Variants in TRAK2 observed in about 807,000 individuals in gnomAD.
TRAK2 encodes trafficking kinesin-binding protein 2.
A neutral mutation model predicts 104.6 loss-of-function variants in TRAK2; 81 were observed. That is an observed-to-expected ratio of 0.77 (90% CI 0.65 to 0.93). The LOEUF (loss-of-function observed/expected upper bound fraction) is 0.93. Ranked by LOEUF, TRAK2 falls within the 40% of genes least tolerant of loss-of-function variation. The pLI is 0.00. For missense variants in TRAK2, 1,002 were observed against 1,089.0 expected, an observed-to-expected ratio of 0.92 and a Z score of 1.12; for synonymous variants, 406 against 394.4, an observed-to-expected ratio of 1.03 and a Z score of -0.35.
At chr2:201,410,971 C>T (rs73988779) in intron 2 of TRAK2, 21 of 1,537,196 alleles carry the variant, frequency 1.4e-5, no homozygotes, top group African/African-American at 2.7e-5. Context: ...TTTGTAGTAA[C>T]GGGCATGTTG....
chr2:201,450,413 TAA>T (rs1157207335), intron 1 of TRAK2, among the ~76,000 whole-genome samples: 2 of 144,632 alleles, frequency 1.4e-5, no homozygotes, highest in Admixed American at 6.9e-5. Context: ...GACTCTGTCT[TAA>T]AAAAAAAAAA....
intron 1 of TRAK2, among the ~76,000 whole-genome samples, chr2:201,424,432 A>C (rs938299398): frequency 6.6e-6 from 1 of 152,180 alleles, no homozygotes; most frequent in African/African-American, 2.4e-5. Flanking sequence ...TAAATGTGCT[A>C]GTGTATAACC....
chr2:201,439,130 G>A (rs1416447166), intron 1 of TRAK2, among the ~76,000 whole-genome samples: 1 of 152,160 alleles, frequency 6.6e-6, no homozygotes, highest in Non-Finnish European at 1.5e-5. Flanking sequence ...TCAGGCTGTA[G>A]TCAAATTACA....
Position 201,450,234 on chromosome 2 carries a change from G to T in TRAK2, c.-200+1116C>A, listed in dbSNP as rs74845230. 3.8e-4 allele frequency among the ~76,000 whole-genome samples: 58 copies of T among 152,098 alleles called. No individual in the cohort carries two copies. In the East Asian group the frequency reaches 7.4e-3, roughly 19 times the overall value. ...GATCGAGACCATCCTGGCCAACATGGTGAAACCCCATCTCTACTAAAAACA... is the reference window on the plus strand; with the variant it reads ...GATCGAGACCATCCTGGCCAACATGTTGAAACCCCATCTCTACTAAAAACA... On this transcript the variant is annotated intron_variant, in intron 1 of 15. Transcript: ENST00000332624.
chr2:201,380,605 C>T lies in TRAK2; in HGVS notation c.2683G>A (p.Gly895Ser). Residue 895 changes from glycine (G) to serine (S), a missense_variant, in exon 16 of 16, where the codon GGT becomes AGT. Transcript: ENST00000332624. ...RRNQSLPVIM[G>S]SFAAPVCTSS... ...GTGCAAACTGGGGCAGCAAAGCTAC[C>T]CATTATGACTGGAAGACTCTGATTC... The T allele has an allele frequency of 6.2e-7, 1 of 1,613,956 alleles. No homozygotes were observed. The highest frequency in any genetic ancestry group is 8.5e-7 in the Non-Finnish European group (1 of 1,179,964).
chr2:201,413,041 T>C lies in TRAK2; in HGVS notation c.92-5444A>G, dbSNP rs1433637970. 32 of 788,312 alleles carry C rather than the reference T, an allele frequency of 4.1e-5. No homozygotes were observed. In the South Asian group the frequency reaches 4.2e-4, roughly 10 times the overall value. 48.8% of individuals were successfully genotyped at this position (788,312 alleles called of 1,614,324 possible). A position where few individuals can be genotyped will look rare whatever the true frequency, so the allele number is the denominator to read the frequency against. ...GAGGGTGTTGAAGTCGAGTTAAGTG[T>C]TGGACTCCTCATTTTAGAGAATCAA... is the stretch of plus-strand genomic sequence containing the variant. On this transcript the variant is annotated intron_variant, in intron 2 of 15. Transcript: ENST00000332624.
intron 2 of TRAK2, chr2:201,412,610 G>A (rs1951657860): frequency 6.5e-7 from 1 of 1,540,510 alleles, no homozygotes; most frequent in Non-Finnish European, 8.9e-7. Context: ...ATGTATTCAG[G>A]AGGCAAATAT....
In TRAK2 at chr2:201,394,838, A is replaced by C; in HGVS notation, c.935T>G (p.Leu312Arg). 6.2e-7 allele frequency: 1 copy of C among 1,614,028 alleles called. No individual in the cohort carries two copies. Among genetic ancestry groups the C allele is most frequent in the Non-Finnish European group, 8.5e-7 (1 of 1,179,934 alleles). ...VIEKEELKLH[L>R]QASKDAQRQL... ...CCGTTGGGCATCTTTGGAAGCTTGCAGGTGAAGTTTTAGTTCTTCCTTCTC... is the reference window on the plus strand; with the variant it reads ...CCGTTGGGCATCTTTGGAAGCTTGCCGGTGAAGTTTTAGTTCTTCCTTCTC... Residue 312 changes from leucine (L) to arginine (R), a missense_variant, in exon 9 of 16, where the codon CTG becomes CGG. By Grantham distance (102) the Leu-to-Arg change is moderately radical. Transcript: ENST00000332624.
rs1951606265 is a variant in TRAK2 at position 201,407,568 on chromosome 2, C to A, written c.121G>T (p.Val41Phe). 1 of 1,613,690 alleles carries A rather than the reference C, an allele frequency of 6.2e-7. No homozygotes were observed. The highest frequency in any genetic ancestry group is 1.3e-5 in the African/African-American group (1 of 75,022). The change falls in exon 3 of 16, where the codon GTT becomes TTT. Residue 41 changes from valine (V) to phenylalanine (F), a missense_variant. By Grantham distance (50) the Val-to-Phe change is conservative (BLOSUM62 -1). Coordinates refer to ENST00000332624, the MANE Select transcript of TRAK2 (RefSeq NM_015049.3). ...TCTTCTAGCAGACTCACCAGCTCAA[C>A]TTCAGGGAGATCCTCATTGGAGCAG... The part of the protein sequence containing the change: ...DVCSNEDLPE[V>F]ELVSLLEEQL...
chr2:201,384,498 C>A (rs998358724), intron 14 of TRAK2, among the ~76,000 whole-genome samples: 3 of 151,766 alleles, frequency 2.0e-5, no homozygotes, highest in African/African-American at 7.3e-5. Flanking sequence ...GATCTAGTAT[C>A]CAAATGATTC....
chr2:201,396,515 T>G (rs1279211860), intron 7 of TRAK2, among the ~76,000 whole-genome samples: 3 of 152,208 alleles, frequency 2.0e-5, no homozygotes, highest in Non-Finnish European at 4.4e-5. Context: ...AACTCTATAC[T>G]GTATATATTA....
intron 7 of TRAK2, 47 bp downstream of exon 7, chr2:201,397,455 C>T (rs1951512108): frequency 7.1e-7 from 1 of 1,402,892 alleles, no homozygotes; most frequent in African/African-American, 1.4e-5. Flanking sequence ...GATACCCTAC[C>T]AAAGAATTGT....
intron 1 of TRAK2, among the ~76,000 whole-genome samples, chr2:201,439,162 A>G (rs1951900480): frequency 6.6e-6 from 1 of 152,214 alleles, no homozygotes. Flanking sequence ...TATAGTAGGG[A>G]GGAAAATGAA....
chr2:201,397,453 A>T, intron 7 of TRAK2, 49 bp downstream of exon 7: 1 of 1,366,194 alleles, frequency 7.3e-7, no homozygotes, highest in Non-Finnish European at 1.0e-6. Context: ...GAGATACCCT[A>T]CCAAAGAATT....
rs1271077393 is a variant in TRAK2 at position 201,379,110 on chromosome 2, T to C, written c.*1433A>G. On this transcript the variant is annotated 3_prime_UTR_variant, in exon 16 of 16. Transcript: ENST00000332624. ...CCCCTCTCTCATCTTTTCTCTATCA[T>C]GTCTTTTGTATAAAGACATTTCTTT... 2 of 152,354 alleles carry C rather than the reference T, an allele frequency of 1.3e-5. No homozygotes were observed. The highest frequency in any genetic ancestry group is 1.9e-4 in the East Asian group (1 of 5,192). The allele number at this position is 152,354 out of a possible 1,614,324, so 9.4% of individuals were successfully genotyped here. A position where few individuals can be genotyped will look rare whatever the true frequency, so the allele number is the denominator to read the frequency against.
intron 11 of TRAK2, 78 bp from the exon 12 acceptor site, chr2:201,389,581 A>G: frequency 7.1e-7 from 1 of 1,417,446 alleles, no homozygotes; most frequent in Non-Finnish European, 9.9e-7. Flanking sequence ...TGTGCAGTCC[A>G]TCAGAAATAA....
At chr2:201,440,821 T>A (rs1363100835) in intron 1 of TRAK2, among the ~76,000 whole-genome samples, 1 of 152,172 alleles carries the variant, frequency 6.6e-6, no homozygotes, top group Non-Finnish European at 1.5e-5. Flanking sequence ...CACAAAAAAA[T>A]TTGCAACCTC....
intron 7 of TRAK2, among the ~76,000 whole-genome samples, chr2:201,395,805 T>C (rs2125645035): frequency 6.6e-6 from 1 of 152,320 alleles, no homozygotes; most frequent in Non-Finnish European, 1.5e-5. Context: ...GATAATCTCA[T>C]TCATTTCTTT....
At chr2:201,384,043 T>A (rs1018029261) in intron 15 of TRAK2, 68 bp downstream of exon 15, 9 of 1,017,804 alleles carry the variant, frequency 8.8e-6, no homozygotes, top group Middle Eastern at 2.1e-4. Flanking sequence ...AAGGTAATTT[T>A]AAAAAGAAAT....
Sources: gnomAD v4.1 joint callset for allele counts (sites outside exome capture counted in the v4.1 genomes callset) on GRCh38, gnomAD v4.1.1 for gene constraint, MANE v1.5 for transcripts, NCBI Gene and HGNC (gene_info 2026-07-23, HGNC 2026-07-21) for gene names.